ZNF407: variants seen among roughly 807,000 people sequenced by gnomAD.
ZNF407 encodes zinc finger protein 407.
Under a neutral mutation model 131.2 loss-of-function variants are expected in ZNF407, and 17 were observed. The observed-to-expected ratio is 0.13, with a 90% confidence interval of 0.09 to 0.19. The LOEUF is 0.19. Among genes scored for constraint, ZNF407 ranks in the 10% least tolerant of loss-of-function variants. The pLI, the probability that ZNF407 is intolerant of heterozygous loss-of-function variation, is 1.00. For missense variants in ZNF407, 2,681 were observed against 2,830.6 expected (o/e 0.95, Z 1.20); for synonymous variants, 1,156 against 1,062.0 (o/e 1.09, Z -1.72).
At chr18:74,997,505 TAAATA>T (rs933763102) in intron 8 of ZNF407, among the ~76,000 whole-genome samples, 17 of 152,074 alleles carry the variant, frequency 1.1e-4, no homozygotes, top group African/African-American at 3.9e-4. Flanking sequence ...GTAAAAAAAA[TAAATA>T]AAAAGACTAA....
chr18:74,802,168 C>T (rs766694560), intron 4 of ZNF407, among the ~76,000 whole-genome samples: 9 of 152,104 alleles, frequency 5.9e-5, no homozygotes, highest in African/African-American at 1.2e-4. Context: ...AGTTATACTA[C>T]GTACAAATAT....
chr18:74,784,419 A>G (rs1386578111), intron 4 of ZNF407, among the ~76,000 whole-genome samples: 4 of 152,224 alleles, frequency 2.6e-5, no homozygotes, highest in Non-Finnish European at 4.4e-5. Flanking sequence ...AAATCCATAT[A>G]CTTGTACTAT....
At chr18:75,056,437 AG>A (rs1424145101) in intron 8 of ZNF407, among the ~76,000 whole-genome samples, 4 of 152,218 alleles carry the variant, frequency 2.6e-5, no homozygotes, top group Non-Finnish European at 5.9e-5. Context: ...TAAAACTAAG[AG>A]GTTACTCTGT....
intron 7 of ZNF407, among the ~76,000 whole-genome samples, chr18:74,910,605 G>A (rs1044349135): frequency 2.0e-5 from 3 of 151,894 alleles, no homozygotes; most frequent in Non-Finnish European, 2.9e-5. Context: ...AACTTATCAC[G>A]GAAGAATTTA....
chr18:74,847,429 A>G (rs190596116), intron 4 of ZNF407, among the ~76,000 whole-genome samples: 1 of 152,310 alleles, frequency 6.6e-6, no homozygotes, highest in Non-Finnish European at 1.5e-5. Context: ...TTATCGTTGA[A>G]TTATTAATTT....
intron 3 of ZNF407, among the ~76,000 whole-genome samples, chr18:74,747,390 A>G (rs997050350): frequency 6.6e-6 from 1 of 152,178 alleles, no homozygotes; most frequent in African/African-American, 2.4e-5. Context: ...GAATGTGTGA[A>G]TTGTGAAAAA....
At chr18:74,710,451 C>T (rs182085361) in intron 3 of ZNF407, among the ~76,000 whole-genome samples, 260 of 152,250 alleles carry the variant, frequency 1.7e-3, no homozygotes, top group African/African-American at 5.9e-3. Context: ...ATCTAAAATA[C>T]GCGAGCAGTG....
At position 74,984,072 on chromosome 18, in the gene ZNF407, C is replaced by T. The variant is rs543074009; in HGVS notation, c.5428+63380C>T. 7.2e-4 allele frequency among the ~76,000 whole-genome samples: 110 copies of T among 152,354 alleles called. 1 individual carries two copies. Among genetic ancestry groups the T allele is most frequent in the African/African-American group, 2.4e-3 (100 of 41,580 alleles). On this transcript the variant is annotated intron_variant, in intron 8 of 8. Coordinates refer to ENST00000299687, the MANE Select transcript of ZNF407 (RefSeq NM_017757.3). ...CCTCTGAGGAGGGAAAACCATCTCT[C>T]TTCTTTTATAGAAAATCAAATTGAC...
At chr18:75,060,704 A>C (rs1973621478) in intron 8 of ZNF407, among the ~76,000 whole-genome samples, 1 of 150,080 alleles carries the variant, frequency 6.7e-6, no homozygotes, top group African/African-American at 2.5e-5. Flanking sequence ...ACGGGGTTTC[A>C]CCGTGTTAGC....
At position 74,632,169 on chromosome 18, in the gene ZNF407, A is replaced by G; in HGVS notation, c.1150A>G (p.Thr384Ala). 6.2e-7 allele frequency: 1 copy of G among 1,613,996 alleles called. No individual in the cohort carries two copies. Among genetic ancestry groups the G allele is most frequent in the Non-Finnish European group, 8.5e-7 (1 of 1,179,900 alleles). The change falls in exon 2 of 9, where the codon ACC (threonine) becomes GCC (alanine). Residue 384 changes from threonine to alanine, a missense_variant. Transcript: ENST00000299687. ...TGAAAACCAGAGTAGAAAGCTAGAC[A>G]CCTTAGTAACCTCAGAGGGTCTCTT... ...NPENQSRKLD[T>A]LVTSEGLLEK...
chr18:74,750,672 G>T (rs961482899), intron 3 of ZNF407, among the ~76,000 whole-genome samples: 22 of 152,174 alleles, frequency 1.4e-4, no homozygotes, highest in African/African-American at 5.3e-4. Flanking sequence ...ACGGTGCTGT[G>T]AACGTTTCTG....
chr18:74,694,425 AT>A lies in ZNF407; in HGVS notation c.4802+53312del, dbSNP rs143873368. Among the ~76,000 whole-genome samples, 253 of 148,144 alleles carry A rather than the reference AT, an allele frequency of 1.7e-3. 1 individual carries two copies. The highest frequency in any genetic ancestry group is 2.2e-3 in the Non-Finnish European group (150 of 66,896). On this transcript the variant is annotated intron_variant, in intron 3 of 8. Coordinates refer to ENST00000299687, the MANE Select transcript of ZNF407 (RefSeq NM_017757.3). ...CCAAGAGATATAGCTCCCTTTATTA[AT>A]TTTTTTTTCTTCTTTTTTTCTTTTT...
chr18:74,782,339 C>T (rs1358513535), intron 4 of ZNF407, among the ~76,000 whole-genome samples: 1 of 152,164 alleles, frequency 6.6e-6, no homozygotes, highest in Non-Finnish European at 1.5e-5. Flanking sequence ...GGTCTTCAGT[C>T]ATATTTGTAA....
chr18:75,008,865 T>A (rs1048945553), intron 8 of ZNF407, among the ~76,000 whole-genome samples: 3 of 152,232 alleles, frequency 2.0e-5, no homozygotes, highest in African/African-American at 7.2e-5. Context: ...AATGGTTATT[T>A]TCCCCAGTGC....
At chr18:74,816,408 C>G (rs2145095448) in intron 4 of ZNF407, among the ~76,000 whole-genome samples, 1 of 152,240 alleles carries the variant, frequency 6.6e-6, no homozygotes, top group East Asian at 1.9e-4. Flanking sequence ...TTTCACTTGC[C>G]CTGTCTACTC....
chr18:74,857,074 A>G (rs964239117), intron 4 of ZNF407, among the ~76,000 whole-genome samples: 1 of 152,350 alleles, frequency 6.6e-6, no homozygotes, highest in African/African-American at 2.4e-5. Context: ...TAAAGATCTT[A>G]CAGCGTATAC....
chr18:74,868,957 A>G lies in ZNF407; in HGVS notation c.4878-8240A>G, dbSNP rs1426016. On this transcript the variant is annotated intron_variant, in intron 4 of 8. Transcript: ENST00000299687. ...TTTCTACATAGCATGGATCATTGCT[A>G]GACACACAGTAAATCCCCAAACATA... Among the ~76,000 whole-genome samples, 12 of 152,346 alleles carry G rather than the reference A, an allele frequency of 7.9e-5. No homozygotes were observed. In the East Asian group the frequency reaches 2.1e-3, roughly 27 times the overall value.
chr18:74,876,808 C>T (rs563494350), intron 4 of ZNF407, among the ~76,000 whole-genome samples: 1 of 152,334 alleles, frequency 6.6e-6, no homozygotes, highest in Non-Finnish European at 1.5e-5. Flanking sequence ...GTACAAGCCG[C>T]ACACCAGCAG....
chr18:74,910,161 T>C (rs1215482988), intron 7 of ZNF407, among the ~76,000 whole-genome samples: 1 of 152,170 alleles, frequency 6.6e-6, no homozygotes, highest in East Asian at 1.9e-4. Context: ...ACTGACAATA[T>C]TGTACTCTAG....
Sources: allele counts gnomAD v4.1 joint callset (sites outside exome capture counted in the v4.1 genomes callset), GRCh38; gene constraint gnomAD v4.1.1; transcripts MANE v1.5; gene names NCBI Gene and HGNC (gene_info 2026-07-23, HGNC 2026-07-21).